The following GUCY1A2 variants were observed in gnomAD, a reference collection of about 807,000 sequenced individuals.
The protein encoded by GUCY1A2 is guanylate cyclase 1 soluble subunit alpha 2, also known as guanylate cyclase soluble subunit alpha-2.
In GUCY1A2, 27 loss-of-function variants were observed where a neutral mutation model predicts 63.5. That is an observed-to-expected ratio of 0.43 (90% confidence interval 0.31 to 0.59). The LOEUF is 0.59. Ranked by LOEUF, GUCY1A2 falls within the 20% of genes least tolerant of loss-of-function variation. The probability of loss-of-function intolerance (pLI) is 0.11; values close to 1 mark genes in which losing one functional copy is unlikely to be tolerated. For synonymous variants in GUCY1A2, 364 were observed against 343.5 expected (o/e 1.06, Z -0.66); for missense variants, 768 against 913.3 (o/e 0.84, Z 2.05).
chr11:106,838,871 T>C (rs1469283451), intron 4 of GUCY1A2, among the ~76,000 whole-genome samples: 1 of 152,100 alleles, frequency 6.6e-6, no homozygotes, highest in Non-Finnish European at 1.5e-5. Flanking sequence ...AGATTCTGGA[T>C]ATTAGCCCTT....
intron 4 of GUCY1A2, among the ~76,000 whole-genome samples, chr11:106,911,080 G>A (rs894319578): frequency 6.6e-6 from 1 of 151,964 alleles, no homozygotes; most frequent in African/African-American, 2.4e-5. Flanking sequence ...AGGGAGGAAG[G>A]AAGGGAAGGA....
chr11:106,814,559 G>A (rs948927525), intron 4 of GUCY1A2, among the ~76,000 whole-genome samples: 59 of 152,128 alleles, frequency 3.9e-4, no homozygotes, highest in African/African-American at 1.4e-3. Flanking sequence ...GCCCAGCTAG[G>A]AATTACTCTT....
At chr11:106,947,692 T>C (rs1031439400) in intron 3 of GUCY1A2, among the ~76,000 whole-genome samples, 5 of 151,986 alleles carry the variant, frequency 3.3e-5, no homozygotes, top group African/African-American at 1.2e-4. Context: ...GTGGCATATA[T>C]ATTTGAGAGT....
intron 3 of GUCY1A2, among the ~76,000 whole-genome samples, chr11:106,960,935 G>A (rs1162799120): frequency 2.0e-5 from 3 of 152,014 alleles, no homozygotes; most frequent in African/African-American, 4.8e-5. Flanking sequence ...GAGATTAGAC[G>A]ATATTAGTGA....
At chr11:106,729,742 G>C (rs996803459) in intron 6 of GUCY1A2, among the ~76,000 whole-genome samples, 4 of 152,036 alleles carry the variant, frequency 2.6e-5, no homozygotes. Context: ...GCTAGAAAGA[G>C]TGAAAATATC....
At chr11:107,004,589 G>A (rs1432235681) in intron 1 of GUCY1A2, among the ~76,000 whole-genome samples, 1 of 152,170 alleles carries the variant, frequency 6.6e-6, no homozygotes, top group Non-Finnish European at 1.5e-5. Flanking sequence ...GAGCAACGCT[G>A]ACAAGGTTCC....
Position 106,944,192 on chromosome 11 carries a change from G to GCA in GUCY1A2, c.488-4016_488-4015dup, listed in dbSNP as rs562598258. Among the ~76,000 whole-genome samples the GCA allele has an allele frequency of 2.5e-4, 18 of 71,656 alleles. No homozygotes were observed. In the East Asian group the frequency reaches 6.7e-3, roughly 27 times the overall value. The allele number at this position is 71,656 out of a possible 152,430, so 47.0% of individuals were successfully genotyped here. On this transcript the variant is annotated intron_variant, in intron 3 of 7. Transcript: ENST00000526355. ...ATCATACCACTGCACTCCAGCCTGG[G>GCA]CAACAGAGTGAGACCCTGTCTCCAA... is the stretch of plus-strand genomic sequence containing the variant.
rs1315918156 is a variant in GUCY1A2, at chr11:106,730,088, ATATATATT to A, written c.1837-21430_1837-21423del. Among the ~76,000 whole-genome samples the A allele has an allele frequency of 2.6e-4, 34 of 130,244 alleles. 1 individual carries two copies. The highest frequency in any genetic ancestry group is 7.8e-4 in the South Asian group (3 of 3,826). The allele number at this position is 130,244 out of a possible 152,430, so 85.4% of individuals were successfully genotyped here. On this transcript the variant is annotated intron_variant, in intron 6 of 7. Transcript: ENST00000526355. ...TATATATATATATATATATATATATATATATATTATAGTATATAATATATACTGTTTTT... is the reference window on the plus strand; with the variant it reads ...TATATATATATATATATATATATATAATAGTATATAATATATACTGTTTTT...
At chr11:106,871,168 T>G (rs1343971346) in intron 4 of GUCY1A2, among the ~76,000 whole-genome samples, 1 of 152,118 alleles carries the variant, frequency 6.6e-6, no homozygotes, top group Non-Finnish European at 1.5e-5. Flanking sequence ...CCTAATAATG[T>G]GATGATTAAT....
chr11:106,968,326 G>C (rs970358219), intron 3 of GUCY1A2, among the ~76,000 whole-genome samples: 3 of 152,106 alleles, frequency 2.0e-5, no homozygotes, highest in Non-Finnish European at 4.4e-5. Flanking sequence ...CACTGATCTA[G>C]AGTCTAGCAT....
chr11:106,814,156 G>C (rs1454800854), intron 4 of GUCY1A2, among the ~76,000 whole-genome samples: 1 of 152,070 alleles, frequency 6.6e-6, no homozygotes, highest in African/African-American at 2.4e-5. Context: ...GTTGAAAAGA[G>C]AGAAGTTGTT....
At chr11:106,762,014 T>C (rs1435198467) in intron 6 of GUCY1A2, among the ~76,000 whole-genome samples, 2 of 152,164 alleles carry the variant, frequency 1.3e-5, no homozygotes, top group African/African-American at 4.8e-5. Context: ...ACTGGTGTAA[T>C]GAGGCAGGTC....
chr11:106,719,959 C>G (rs1222550014), intron 6 of GUCY1A2, among the ~76,000 whole-genome samples: 1 of 152,226 alleles, frequency 6.6e-6, no homozygotes, highest in Non-Finnish European at 1.5e-5. Flanking sequence ...TCCTTCACAT[C>G]CATATACACA....
chr11:106,811,811 A>G (rs1858765554), intron 4 of GUCY1A2, among the ~76,000 whole-genome samples: 1 of 151,980 alleles, frequency 6.6e-6, no homozygotes, highest in Non-Finnish European at 1.5e-5. Flanking sequence ...TAAAATATTG[A>G]TTATTTTCTA....
intron 4 of GUCY1A2, among the ~76,000 whole-genome samples, chr11:106,871,559 CTTTG>C (rs1164204689): frequency 6.6e-6 from 1 of 152,100 alleles, no homozygotes; most frequent in Non-Finnish European, 1.5e-5. Flanking sequence ...GTGTATCTGT[CTTTG>C]TGTTTCTTCT....
chr11:106,928,755 A>G (rs1381320203), intron 4 of GUCY1A2, among the ~76,000 whole-genome samples: 1 of 152,200 alleles, frequency 6.6e-6, no homozygotes, highest in Non-Finnish European at 1.5e-5. Context: ...TATCCTGAAT[A>G]CTGTAAGAAC....
intron 6 of GUCY1A2, among the ~76,000 whole-genome samples, chr11:106,745,396 A>G (rs1192117452): frequency 1.3e-5 from 2 of 152,224 alleles, no homozygotes; most frequent in African/African-American, 4.8e-5. Context: ...AGTGAAATTT[A>G]TTAGCCATTT....
At chr11:106,700,828 T>C (rs1862805504) in intron 7 of GUCY1A2, among the ~76,000 whole-genome samples, 1 of 151,976 alleles carries the variant, frequency 6.6e-6, no homozygotes, top group Non-Finnish European at 1.5e-5. Flanking sequence ...ACAGAAAAAC[T>C]ACTAGATAAG....
At chr11:106,983,785 C>T (rs565136060) in intron 2 of GUCY1A2, among the ~76,000 whole-genome samples, 2 of 152,328 alleles carry the variant, frequency 1.3e-5, no homozygotes, top group African/African-American at 4.8e-5. Context: ...CCCACCCTCA[C>T]CTGCCAAAAA....
Sources: allele counts gnomAD v4.1 joint callset (sites outside exome capture counted in the v4.1 genomes callset), GRCh38; gene constraint gnomAD v4.1.1; transcripts MANE v1.5; gene names NCBI Gene and HGNC (gene_info 2026-07-23, HGNC 2026-07-21).